Variants in TMEM266 observed in about 807,000 individuals in gnomAD.
The protein encoded by TMEM266 is transmembrane protein 266, also known as Hv1 related protein 1.
A neutral mutation model predicts 50.5 loss-of-function variants in TMEM266; 33 were observed. That is an observed-to-expected ratio of 0.65 (90% CI 0.50 to 0.87). The LOEUF (loss-of-function observed/expected upper bound fraction) is 0.87. Among genes scored for constraint, TMEM266 ranks in the 40% least tolerant of loss-of-function variants. The probability of loss-of-function intolerance (pLI) is 0.00; values close to 1 mark genes in which losing one functional copy is unlikely to be tolerated. For synonymous variants in TMEM266, 310 were observed against 292.3 expected (o/e 1.06, Z -0.62); for missense variants, 655 against 695.1 (o/e 0.94, Z 0.65).
intron 1 of TMEM266, among the ~76,000 whole-genome samples, chr15:76,092,614 C>T (rs573450973): frequency 1.1e-4 from 16 of 151,710 alleles, no homozygotes; most frequent in South Asian, 4.2e-4. Context: ...TGCTTGAACC[C>T]GGGAAGCGGA....
intron 1 of TMEM266, among the ~76,000 whole-genome samples, chr15:76,081,909 G>A (rs183645405): frequency 1.2e-3 from 184 of 152,276 alleles, no homozygotes; most frequent in African/African-American, 4.2e-3. Flanking sequence ...CAGCAGTAGT[G>A]TTTTTTCCTC....
At chr15:76,090,483 C>T (rs1318389705) in intron 1 of TMEM266, among the ~76,000 whole-genome samples, 3 of 128,420 alleles carry the variant, frequency 2.3e-5, no homozygotes, top group South Asian at 2.4e-4. Flanking sequence ...CAGAGAAAGA[C>T]TCTGTCTCAA....
Position 76,153,384 on chromosome 15 carries a change from G to A in TMEM266, c.228-3220G>A, listed in dbSNP as rs957263323. Among the ~76,000 whole-genome samples the A allele has an allele frequency of 3.9e-5, 6 of 152,202 alleles. No individual in the cohort carries two copies. The highest frequency in any genetic ancestry group is 1.2e-4 in the African/African-American group (5 of 41,444). ...AAATGCCCGGCACCTTCCGTGGAAC[G>A]TGAAGACGAGGCTTCCTGCTGGCCA... On this transcript the variant is annotated intron_variant, in intron 3 of 10. Transcript: ENST00000388942. The surrounding 1 kb of genome is among the most constrained non-coding windows in gnomAD (Gnocchi z 4.2).
intron 8 of TMEM266, among the ~76,000 whole-genome samples, chr15:76,180,467 G>C (rs2038381200): frequency 6.6e-6 from 1 of 152,082 alleles, no homozygotes; most frequent in Admixed American, 6.5e-5. Context: ...CAGAAGGAAA[G>C]TGCCATTCTT....
intron 1 of TMEM266, among the ~76,000 whole-genome samples, chr15:76,095,039 TAC>T (rs2036902646): frequency 1.3e-5 from 2 of 152,090 alleles, no homozygotes. Flanking sequence ...TTTCTAACTA[TAC>T]AGTCATGTCA....
At chr15:76,192,470 C>T (rs1208735911) in intron 9 of TMEM266, among the ~76,000 whole-genome samples, 1 of 152,166 alleles carries the variant, frequency 6.6e-6, no homozygotes, top group African/African-American at 2.4e-5. Context: ...GGAGGTGTGA[C>T]TTTTCTGTTG....
chr15:76,170,438 CTGG>C (rs2038169630), intron 6 of TMEM266, among the ~76,000 whole-genome samples: 1 of 152,246 alleles, frequency 6.6e-6, no homozygotes, highest in South Asian at 2.1e-4. Flanking sequence ...CACAGTGGGC[CTGG>C]CCGATGGATG....
chr15:76,152,336 A>C (rs1232279461), intron 3 of TMEM266, among the ~76,000 whole-genome samples: 1 of 152,160 alleles, frequency 6.6e-6, no homozygotes, highest in African/African-American at 2.4e-5. Context: ...GAGTGTGGGC[A>C]GGGGACAACT....
At chr15:76,191,765 C>A in intron 8 of TMEM266, 1 of 520,444 alleles carries the variant, frequency 1.9e-6, no homozygotes, top group Non-Finnish European at 3.3e-6. Flanking sequence ...CAGGATCGCA[C>A]AGGTTGGAAA....
At chr15:76,154,110 C>T (rs2037886333) in intron 3 of TMEM266, among the ~76,000 whole-genome samples, 3 of 152,230 alleles carry the variant, frequency 2.0e-5, no homozygotes, top group African/African-American at 7.2e-5. Context: ...TCTCCGGACC[C>T]CTTGGCTCTT....
chr15:76,145,036 C>T (rs1317461877), intron 3 of TMEM266, among the ~76,000 whole-genome samples: 1 of 152,212 alleles, frequency 6.6e-6, no homozygotes, highest in East Asian at 1.9e-4. Context: ...TAACAGAAAA[C>T]CCATCTCACA....
chr15:76,114,056 C>T (rs1292621554), intron 1 of TMEM266: 2 of 152,206 alleles, frequency 1.3e-5, no homozygotes, highest in African/African-American at 4.8e-5. Context: ...GGCCCTTTAT[C>T]AGTACTTCTC....
chr15:76,189,351 G>GGGGA (rs57673397), intron 8 of TMEM266, among the ~76,000 whole-genome samples: 10,582 of 143,736 alleles, frequency 0.074, 437 homozygotes, highest in Middle Eastern at 0.11. Context: ...GAAAGAAGGA[G>GGGGA]GGGAGGGAGG....
chr15:76,087,781 G>A (rs753345176), intron 1 of TMEM266, among the ~76,000 whole-genome samples: 11 of 152,106 alleles, frequency 7.2e-5, no homozygotes, highest in Non-Finnish European at 1.3e-4. Context: ...AGGGAAAAGT[G>A]ATTAAACAAA....
In TMEM266 at chr15:76,137,949, C is replaced by G. The variant is rs114309744; in HGVS notation, c.227+54C>G. 2,741 of 1,489,886 alleles carry G rather than the reference C, an allele frequency of 1.8e-3. 41 individuals carry two copies. In the African/African-American group the frequency reaches 0.035, roughly 19 times the overall value. 92.3% of individuals were successfully genotyped at this position (1,489,886 alleles called of 1,614,324 possible). On this transcript the variant is annotated intron_variant, in intron 3 of 10. Transcript: ENST00000388942. Reference sequence around the variant, plus strand: ...AGAAGTCCCTGGGTTAGGCTAGGCGCGGTGGCTCACGCCTGTAATCCCAGC... The same window carrying G: ...AGAAGTCCCTGGGTTAGGCTAGGCGGGGTGGCTCACGCCTGTAATCCCAGC...
intron 2 of TMEM266, among the ~76,000 whole-genome samples, chr15:76,135,684 T>C (rs1296562298): frequency 6.6e-6 from 1 of 152,194 alleles, no homozygotes; most frequent in Non-Finnish European, 1.5e-5. Context: ...CGTTTAAAGA[T>C]CTTGAGTCAT....
intron 1 of TMEM266, among the ~76,000 whole-genome samples, chr15:76,065,756 G>A (rs970906075): frequency 1.3e-5 from 2 of 152,058 alleles, no homozygotes; most frequent in Admixed American, 6.5e-5. Context: ...CTGTGTACAT[G>A]CCTGTAACTT....
At chr15:76,175,504 C>T (rs562682800) in intron 7 of TMEM266, 55 bp from the exon 8 acceptor site, 3 of 1,431,090 alleles carry the variant, frequency 2.1e-6, no homozygotes, top group Admixed American at 1.8e-5. Context: ...CCGCCCTTCC[C>T]TAGTCCAAGC....
intron 4 of TMEM266, among the ~76,000 whole-genome samples, chr15:76,158,456 C>T (rs867792061): frequency 2.6e-5 from 4 of 152,156 alleles, no homozygotes; most frequent in South Asian, 2.1e-4. Context: ...TTTCTTTCCC[C>T]GTGGCGGATT....
Sources: allele counts gnomAD v4.1 joint callset (sites outside exome capture counted in the v4.1 genomes callset), GRCh38; gene constraint gnomAD v4.1.1; non-coding constraint Gnocchi (gnomAD v3.1); transcripts MANE v1.5; gene names NCBI Gene and HGNC (gene_info 2026-07-23, HGNC 2026-07-21).